The following PSMD14 variants were observed in gnomAD, a reference collection of about 807,000 sequenced individuals.
PSMD14 encodes proteasome 26S subunit, non-ATPase 14.
Under a neutral mutation model 41.2 loss-of-function variants are expected in PSMD14, and 7 were observed. The ratio of observed to expected loss-of-function variants is 0.17; its 90% CI spans 0.10 to 0.32. The LOEUF (loss-of-function observed/expected upper bound fraction) is 0.32. Among genes scored for constraint, PSMD14 ranks in the 10% least tolerant of loss-of-function variants. The pLI is 1.00. For synonymous variants in PSMD14, 114 were observed against 122.3 expected (o/e 0.93, Z 0.45); for missense variants, 139 against 375.6 (o/e 0.37, Z 5.21).
At chr2:161,352,678 A>AT (rs368589500) in intron 3 of PSMD14, among the ~76,000 whole-genome samples, 3 of 151,406 alleles carry the variant, frequency 2.0e-5, no homozygotes, top group Non-Finnish European at 4.4e-5. Context: ...ACATTCACCC[A>AT]TTTTTTTGGA....
chr2:161,410,841 A>G (rs1684013790), intron 11 of PSMD14, among the ~76,000 whole-genome samples: 1 of 152,120 alleles, frequency 6.6e-6, no homozygotes, highest in Non-Finnish European at 1.5e-5. Flanking sequence ...TTTTGCTATT[A>G]TAAAACATAG....
chr2:161,381,570 A>G (rs1386007006), intron 7 of PSMD14: 1 of 151,910 alleles, frequency 6.6e-6, no homozygotes, highest in Non-Finnish European at 1.5e-5. Flanking sequence ...TGGGAACTAT[A>G]GATTGGTGCT....
chr2:161,357,973 C>T (rs1005474469), intron 3 of PSMD14, among the ~76,000 whole-genome samples: 3 of 151,266 alleles, frequency 2.0e-5, no homozygotes, highest in East Asian at 1.9e-4. Context: ...AGTTCACATA[C>T]TGTATAAGCT....
At chr2:161,359,913 A>ATATT (rs2105252115) in intron 3 of PSMD14, among the ~76,000 whole-genome samples, 1 of 152,314 alleles carries the variant, frequency 6.6e-6, no homozygotes, top group East Asian at 1.9e-4. Flanking sequence ...ATGTAGATGT[A>ATATT]TATTTGATTA....
At position 161,364,134 on chromosome 2, in the gene PSMD14, A is replaced by G. The variant is rs181093052; in HGVS notation, c.49-3344A>G. Among the ~76,000 whole-genome samples the G allele has an allele frequency of 3.0e-4, 46 of 152,270 alleles. 1 individual carries two copies. Among genetic ancestry groups the G allele is most frequent in the African/African-American group, 1.1e-3 (44 of 41,546 alleles). On this transcript the variant is annotated intron_variant, in intron 3 of 11. Transcript: ENST00000409682. ...ACTGGAGTCAGGACGCTGTCCTCCAACTGCCCTGGCCAGACTCTGCTTCAT... is the reference window on the plus strand; with the variant it reads ...ACTGGAGTCAGGACGCTGTCCTCCAGCTGCCCTGGCCAGACTCTGCTTCAT...
At chr2:161,343,549 CG>C (rs1404683383) in intron 3 of PSMD14, among the ~76,000 whole-genome samples, 1 of 152,144 alleles carries the variant, frequency 6.6e-6, no homozygotes, top group African/African-American at 2.4e-5. Flanking sequence ...GTTTGAGGAT[CG>C]GGTACAGTGG....
At chr2:161,327,919 T>C (rs1401569481) in intron 3 of PSMD14, among the ~76,000 whole-genome samples, 1 of 145,214 alleles carries the variant, frequency 6.9e-6, no homozygotes, top group African/African-American at 2.6e-5. Flanking sequence ...TTAATGAAAA[T>C]TGGGGAAGCA....
chr2:161,365,062 C>T (rs974130685), intron 3 of PSMD14, among the ~76,000 whole-genome samples: 23 of 152,058 alleles, frequency 1.5e-4, no homozygotes, highest in South Asian at 4.1e-4. Flanking sequence ...GCCAAGATCG[C>T]GCCATTGCAC....
intron 1 of PSMD14, among the ~76,000 whole-genome samples, chr2:161,315,984 G>A (rs1689143827): frequency 6.6e-6 from 1 of 151,866 alleles, no homozygotes. Context: ...TGGGATTACA[G>A]GTGCCTGCCA....
Position 161,411,479 on chromosome 2 carries a change from T to C in PSMD14, c.*79T>C. 3.2e-5 allele frequency: 32 copies of C among 1,011,764 alleles called. No individual in the cohort carries two copies. In the South Asian group the frequency reaches 5.2e-4, roughly 16 times the overall value. The allele number at this position is 1,011,764 out of a possible 1,614,324, so 62.7% of individuals were successfully genotyped here. On this transcript the variant is annotated 3_prime_UTR_variant, in exon 12 of 12. Transcript: ENST00000409682. ...CTAATGCTCAAAATCAAGGGACCTC[T>C]GAAGGTGTACTTGGCTAAATGTAAG...
At chr2:161,356,477 G>A (rs551438732) in intron 3 of PSMD14, among the ~76,000 whole-genome samples, 2 of 151,940 alleles carry the variant, frequency 1.3e-5, no homozygotes, top group East Asian at 3.9e-4. Context: ...TGAATGTAGT[G>A]GTTTCATCAG....
At chr2:161,342,231 A>G (rs1682974716) in intron 3 of PSMD14, among the ~76,000 whole-genome samples, 1 of 152,176 alleles carries the variant, frequency 6.6e-6, no homozygotes, top group Admixed American at 6.5e-5. Flanking sequence ...GTAGGGGGAA[A>G]CATTCATTAT....
At chr2:161,362,185 G>A (rs976134867) in intron 3 of PSMD14, among the ~76,000 whole-genome samples, 12 of 152,064 alleles carry the variant, frequency 7.9e-5, no homozygotes, top group Non-Finnish European at 1.0e-4. Context: ...CCCACTCAGC[G>A]TCCTGAGTAG....
chr2:161,367,767 T>A lies in PSMD14; in HGVS notation c.121-17T>A, dbSNP rs1428871682. 1 of 1,611,960 alleles carries A rather than the reference T, an allele frequency of 6.2e-7. No individual in the cohort carries two copies. Among genetic ancestry groups the A allele is most frequent in the South Asian group, 1.1e-5 (1 of 90,598 alleles). On this transcript the variant is annotated splice_polypyrimidine_tract_variant and intron_variant, in intron 4 of 11. Transcript: ENST00000409682. ...CAACGAAATTTGCTTTGTGTCCACA[T>A]CTCTTCCTTTCTACAGATGTTAAAA...
In PSMD14 at chr2:161,367,919, G is replaced by A; in HGVS notation, c.240+16G>A. The stretch of plus-strand genomic sequence containing the variant: ...GTCAGGAACAGTGAGTACTTTTATG[G>A]TTGCCTGCTGCAAGTAAATGTGTTT... On this transcript the variant is annotated intron_variant, in intron 5 of 11. Transcript: ENST00000409682. 1.2e-6 allele frequency: 2 copies of A among 1,604,442 alleles called. No homozygotes were observed. The highest frequency in any genetic ancestry group is 2.2e-5 in the South Asian group (2 of 89,126).
Position 161,322,306 on chromosome 2 carries a change from C to T in PSMD14, c.48+3433C>T, listed in dbSNP as rs150347830. On this transcript the variant is annotated intron_variant, in intron 3 of 11. Transcript: ENST00000409682. ...TTGTTTCCAAGAGACATGACCCCAC[C>T]TTGAGTCCCAGTGCCTTTAATATAA... Among the ~76,000 whole-genome samples, 501 of 152,292 alleles carry T rather than the reference C, an allele frequency of 3.3e-3. 3 individuals are homozygous for T. The highest frequency in any genetic ancestry group is 0.027 in the Middle Eastern group (8 of 294).
intron 8 of PSMD14, 44 bp downstream of exon 8, chr2:161,385,615 T>G: frequency 8.1e-7 from 1 of 1,240,884 alleles, no homozygotes; most frequent in Non-Finnish European, 1.2e-6. Context: ...TTTTAAATTT[T>G]AAAAGCCTGC....
chr2:161,320,706 GTTGT>G (rs1000249778), intron 3 of PSMD14, among the ~76,000 whole-genome samples: 9 of 151,758 alleles, frequency 5.9e-5, no homozygotes, highest in Admixed American at 1.3e-4. Context: ...TAATAAGAAT[GTTGT>G]TTATTATTTA....
chr2:161,349,945 TATG>T (rs944337785), intron 3 of PSMD14, among the ~76,000 whole-genome samples: 2 of 152,238 alleles, frequency 1.3e-5, no homozygotes, highest in South Asian at 2.1e-4. Context: ...AGATTAAAAA[TATG>T]ATATGTATAA....
Sources: allele counts gnomAD v4.1 joint callset (sites outside exome capture counted in the v4.1 genomes callset), GRCh38; gene constraint gnomAD v4.1.1; transcripts MANE v1.5; gene names NCBI Gene and HGNC (gene_info 2026-07-23, HGNC 2026-07-21).